The following BACH2 variants were observed in gnomAD, a reference collection of about 807,000 sequenced individuals.
BACH2 encodes transcription regulator protein BACH2.
A neutral mutation model predicts 61.8 loss-of-function variants in BACH2; 5 were observed. The observed-to-expected ratio is 0.08, with a 90% CI of 0.04 to 0.17. The LOEUF is 0.17. BACH2 is among the 10% of genes least tolerant of loss of function. The pLI is 1.00. For synonymous variants in BACH2, 446 were observed against 440.1 expected, an observed-to-expected ratio of 1.01 and a Z score of -0.17; for missense variants, 824 against 1,091.1, an observed-to-expected ratio of 0.76 and a Z score of 3.45.
chr6:90,019,444 G>T (rs1038034013), intron 5 of BACH2, among the ~76,000 whole-genome samples: 1 of 152,220 alleles, frequency 6.6e-6, no homozygotes, highest in Non-Finnish European at 1.5e-5. Context: ...GACCAACTTT[G>T]TGGATCTGGA....
intron 6 of BACH2, among the ~76,000 whole-genome samples, chr6:89,990,779 C>A (rs577526600): frequency 6.6e-6 from 1 of 152,320 alleles, no homozygotes; most frequent in Admixed American, 6.5e-5. Flanking sequence ...AGTTGCTGAT[C>A]ACTAACTTAG....
At chr6:90,004,215 C>T (rs765272089) in intron 6 of BACH2, among the ~76,000 whole-genome samples, 7 of 152,178 alleles carry the variant, frequency 4.6e-5, no homozygotes, top group Non-Finnish European at 8.8e-5. Context: ...GACTTAACAA[C>T]AAATGCCTTT....
chr6:90,163,217 A>G (rs1324793732), intron 4 of BACH2, among the ~76,000 whole-genome samples: 2 of 152,182 alleles, frequency 1.3e-5, no homozygotes, highest in South Asian at 2.1e-4. Context: ...TTCTCCTTCT[A>G]CACAAAAGGG....
intron 5 of BACH2, among the ~76,000 whole-genome samples, chr6:90,042,618 C>A (rs1054413346): frequency 6.6e-6 from 1 of 152,146 alleles, no homozygotes; most frequent in Non-Finnish European, 1.5e-5. Context: ...GGAAACCACA[C>A]ATGAGCACAT....
chr6:90,003,867 C>T (rs1777264503), intron 6 of BACH2, among the ~76,000 whole-genome samples: 1 of 152,188 alleles, frequency 6.6e-6, no homozygotes, highest in Non-Finnish European at 1.5e-5. Context: ...GTGTTTTGCC[C>T]TTCTCATCCT....
chr6:89,953,005 G>A (rs535305414), intron 6 of BACH2: 3 of 152,348 alleles, frequency 2.0e-5, no homozygotes, highest in Admixed American at 2.0e-4. Flanking sequence ...TACAAATCCT[G>A]TACAAATCAA....
intron 1 of BACH2, among the ~76,000 whole-genome samples, chr6:90,296,026 A>C (rs2127897270): frequency 6.6e-6 from 1 of 152,118 alleles, no homozygotes; most frequent in South Asian, 2.1e-4. Flanking sequence ...CTGGGATCGC[A>C]GGCTGGGGGC....
intron 4 of BACH2, among the ~76,000 whole-genome samples, chr6:90,154,066 A>C (rs942210273): frequency 6.6e-6 from 1 of 152,198 alleles, no homozygotes; most frequent in East Asian, 1.9e-4. Flanking sequence ...TAAAATAGGG[A>C]CTTTGGGCTA....
chr6:90,287,141 G>A (rs1772043901), intron 1 of BACH2, among the ~76,000 whole-genome samples: 1 of 152,044 alleles, frequency 6.6e-6, no homozygotes, highest in African/African-American at 2.4e-5. Flanking sequence ...GTGGGGGAGA[G>A]GTGGGACTGA....
intron 6 of BACH2, among the ~76,000 whole-genome samples, chr6:89,958,514 C>T (rs1210742771): frequency 6.6e-6 from 1 of 152,238 alleles, no homozygotes; most frequent in Non-Finnish European, 1.5e-5. Context: ...GGAACAGGAC[C>T]TGGCATTAAG....
At chr6:90,269,831 C>T (rs1771464485) in intron 2 of BACH2, among the ~76,000 whole-genome samples, 1 of 152,138 alleles carries the variant, frequency 6.6e-6, no homozygotes, top group South Asian at 2.1e-4. Context: ...CGCTGGGCAG[C>T]TGTGTGAACT....
At chr6:90,295,816 T>C (rs1772341738) in intron 1 of BACH2, among the ~76,000 whole-genome samples, 3 of 152,158 alleles carry the variant, frequency 2.0e-5, no homozygotes, top group African/African-American at 4.8e-5. Context: ...AGAGATTCGA[T>C]CCAGGTCTGC....
At chr6:90,197,199 A>C (rs1254649127) in intron 4 of BACH2, among the ~76,000 whole-genome samples, 1 of 152,250 alleles carries the variant, frequency 6.6e-6, no homozygotes, top group African/African-American at 2.4e-5. Context: ...GAATACCAGC[A>C]AACAGCTATA....
Position 90,235,324 on chromosome 6 carries a change from C to G in BACH2, c.-275+17189G>C, listed in dbSNP as rs73755603. ...ATAAATCACTTAACATCTTTGCTCT[C>G]GGTTTCCCAGTCTGTAAAAACAGAG... On this transcript the variant is annotated intron_variant, in intron 3 of 8. Transcript: ENST00000257749. Among the ~76,000 whole-genome samples, 714 of 152,270 alleles carry G rather than the reference C, an allele frequency of 4.7e-3. 2 individuals are homozygous for G. Among genetic ancestry groups the G allele is most frequent in the African/African-American group, 0.016 (679 of 41,538 alleles).
chr6:90,163,228 GAAAGGCCCT>G (rs1436096136), intron 4 of BACH2, among the ~76,000 whole-genome samples: 1 of 152,156 alleles, frequency 6.6e-6, no homozygotes, highest in Non-Finnish European at 1.5e-5. Context: ...CACAAAAGGG[GAAAGGCCCT>G]CTCTGTAGCA....
At chr6:90,122,398 GAAC>G (rs924175441) in intron 4 of BACH2, among the ~76,000 whole-genome samples, 5 of 151,580 alleles carry the variant, frequency 3.3e-5, no homozygotes, top group African/African-American at 1.2e-4. Flanking sequence ...TCCCTTACCA[GAAC>G]AACAAGAACA....
chr6:90,193,446 C>T (rs937821360), intron 4 of BACH2, among the ~76,000 whole-genome samples: 1 of 152,144 alleles, frequency 6.6e-6, no homozygotes, highest in Non-Finnish European at 1.5e-5. Context: ...TGGAAGAGAT[C>T]CTTGCCTCAC....
rs769660831 is a variant in BACH2 at position 89,950,644 on chromosome 6, C to T, written c.1462G>A (p.Asp488Asn). The T allele has an allele frequency of 3.1e-6, 5 of 1,614,006 alleles. No homozygotes were observed. The highest frequency in any genetic ancestry group is 1.1e-5 in the South Asian group (1 of 91,052). The change falls in exon 7 of 9, where the codon GAC becomes AAC. Residue 488 changes from aspartate (D) to asparagine (N), a missense_variant. By Grantham distance (23) the Asp-to-Asn change is conservative (BLOSUM62 1). Around this residue, in one of 8 missense-constraint regions of BACH2, gnomAD observed 102 missense variants for 98.1 expected, o/e 1.04. Coordinates refer to ENST00000257749, the MANE Select transcript of BACH2 (RefSeq NM_021813.4). This position sits in a 1 kb window ranked among gnomAD's most constrained non-coding sequence, Gnocchi z 5.3. ...GGCCGCATCCTTCCTGGCAAGTGGT[C>T]GGCCATCAGCCCACCGTGGGAGTAG... ...QAYSHGGLMA[D>N]HLPGRMRPNT...
intron 4 of BACH2, among the ~76,000 whole-genome samples, chr6:90,165,570 A>G (rs1244976146): frequency 2.0e-5 from 3 of 152,104 alleles, no homozygotes; most frequent in Admixed American, 2.0e-4. Flanking sequence ...TCAAGTTCAT[A>G]TGGAACCAAA....
Sources: gnomAD v4.1 joint callset for allele counts (sites outside exome capture counted in the v4.1 genomes callset) on GRCh38, gnomAD v4.1.1 for gene constraint, gnomAD v4.1.1 regional missense constraint, Gnocchi (gnomAD v3.1) non-coding constraint, MANE v1.5 for transcripts, NCBI Gene and HGNC (gene_info 2026-07-23, HGNC 2026-07-21) for gene names.